WDR44: variants seen among roughly 807,000 people sequenced by gnomAD.
The protein encoded by WDR44 is WD repeat-containing protein 44.
A neutral mutation model predicts 65.7 loss-of-function variants in WDR44; 9 were observed. That is an observed-to-expected ratio of 0.14 (90% confidence interval 0.08 to 0.24). The LOEUF is 0.24. Ranked by LOEUF, WDR44 falls within the 10% of genes least tolerant of loss-of-function variation. The pLI, the probability that WDR44 is intolerant of heterozygous loss-of-function variation, is 1.00. For synonymous variants in WDR44, 220 were observed against 235.2 expected (o/e 0.94, Z 0.59); for missense variants, 425 against 670.9 (o/e 0.63, Z 4.05).
At chrX:118,352,352 A>ATATATATATTTTTTTTTTTTTTT (rs1357425730) in intron 1 of WDR44, among the ~76,000 whole-genome samples, 1 of 14,224 alleles carries the variant, frequency 7.0e-5, no homozygotes, top group Admixed American at 1.8e-3. Flanking sequence ...ATATATATAT[A>ATATATATATTTTTTTTTTTTTTT]TTTTTTTTTT....
intron 14 of WDR44, among the ~76,000 whole-genome samples, chrX:118,438,797 G>GT (rs1213083479): frequency 0.037 from 2,362 of 63,974 alleles, 177 homozygotes; most frequent in Non-Finnish European, 0.046. Context: ...GTTCAGCCAT[G>GT]TTTTTTTTTT....
At position 118,432,777 on chromosome X, in the gene WDR44, A is replaced by G. The variant is rs777990644; in HGVS notation, c.1738-4A>G. 5 of 1,196,246 alleles carry G rather than the reference A, an allele frequency of 4.2e-6. No individual in the cohort carries two copies. Among genetic ancestry groups the G allele is most frequent in the Non-Finnish European group, 4.5e-6 (4 of 883,533 alleles). On this transcript the variant is annotated splice_polypyrimidine_tract_variant and splice_region_variant and intron_variant, in intron 12 of 19. Transcript: ENST00000254029. The stretch of plus-strand genomic sequence containing the variant: ...TTTCAAAGTTTATCTTTATATCCAA[A>G]TAGGTATGCAGTGGAACTGATGAAG...
rs187514751 is a variant in WDR44, at chrX:118,445,757, C to T, written c.2647+1263C>T. On this transcript the variant is annotated intron_variant, in intron 19 of 19. Coordinates refer to ENST00000254029, the MANE Select transcript of WDR44 (RefSeq NM_019045.5). ...GTTATATAAAAATCTGGGCCAGGTG[C>T]GGTGGCTCACGCCTGTAATCCCAGC... is the stretch of plus-strand genomic sequence containing the variant. 2.0e-3 allele frequency among the ~76,000 whole-genome samples: 219 copies of T among 112,025 alleles called. 1 individual carries two copies. Among genetic ancestry groups the T allele is most frequent in the African/African-American group, 6.9e-3 (214 of 30,916 alleles).
At chrX:118,369,888 C>A (rs1489696088) in intron 1 of WDR44, among the ~76,000 whole-genome samples, 1 of 99,941 alleles carries the variant, frequency 1.0e-5, no homozygotes, top group East Asian at 3.2e-4. Context: ...GGAAGACACA[C>A]TAAATAATTT....
chrX:118,398,277 T>C (rs2056882712), intron 7 of WDR44, 110 bp from the exon 8 acceptor site: 1 of 494,660 alleles, frequency 2.0e-6, no homozygotes, highest in African/African-American at 2.4e-5. Context: ...GTAAAGCTTA[T>C]TAGCGTAGTT....
intron 12 of WDR44, among the ~76,000 whole-genome samples, chrX:118,411,182 A>C (rs968464373): frequency 1.8e-5 from 2 of 111,454 alleles, no homozygotes; most frequent in African/African-American, 3.3e-5. Context: ...TCAGGGTACT[A>C]TACCACTAAT....
intron 13 of WDR44, among the ~76,000 whole-genome samples, chrX:118,435,108 TATAAA>T (rs772483451): frequency 9.8e-5 from 11 of 112,157 alleles, no homozygotes; most frequent in Admixed American, 1.9e-4. Context: ...ATTAAATACT[TATAAA>T]AGAACAAGTC....
intron 1 of WDR44, among the ~76,000 whole-genome samples, chrX:118,368,835 C>T (rs1405252454): frequency 1.9e-5 from 2 of 103,901 alleles, no homozygotes; most frequent in Non-Finnish European, 3.9e-5. Context: ...TCCTGCCTCA[C>T]CCTCCTGAGT....
chrX:118,373,098 A>AAAC lies in WDR44; in HGVS notation c.78-5300_78-5298dup, dbSNP rs201959120. Among the ~76,000 whole-genome samples the AAAC allele has an allele frequency of 9.0e-3, 1,000 of 110,604 alleles. 3 individuals are homozygous for AAAC. The highest frequency in any genetic ancestry group is 0.015 in the Non-Finnish European group (788 of 52,851). On this transcript the variant is annotated intron_variant, in intron 1 of 19. Transcript: ENST00000254029. ...GAGCAAAACTCCGTCTCAAAAAATA[A>AAAC]AACAACAACAACAACAACAACAAAA...
chrX:118,387,311 G>T (rs369388506), intron 2 of WDR44, 29 bp from the exon 3 acceptor site: 1 of 1,048,640 alleles, frequency 9.5e-7, no homozygotes, highest in South Asian at 2.2e-5. Context: ...GTCATCATTT[G>T]GTCTCTATTT....
At chrX:118,387,054 C>T (rs993978407) in intron 2 of WDR44, among the ~76,000 whole-genome samples, 10 of 108,657 alleles carry the variant, frequency 9.2e-5, no homozygotes, top group East Asian at 2.9e-4. Context: ...TGGTGGCACG[C>T]GCCTATAATC....
chrX:118,400,653 C>T (rs1398569953), intron 8 of WDR44, among the ~76,000 whole-genome samples: 3 of 89,188 alleles, frequency 3.4e-5, no homozygotes, highest in Non-Finnish European at 6.0e-5. Context: ...ATAATCTCAG[C>T]CCCAGAAATC....
chrX:118,355,948 G>A (rs1274446240), intron 1 of WDR44, among the ~76,000 whole-genome samples: 1 of 111,852 alleles, frequency 8.9e-6, no homozygotes, highest in Non-Finnish European at 1.9e-5. Context: ...AATGTTAACA[G>A]TAAAACCTTG....
At chrX:118,355,148 A>G (rs920104018) in intron 1 of WDR44, among the ~76,000 whole-genome samples, 1 of 111,779 alleles carries the variant, frequency 8.9e-6, no homozygotes, top group Non-Finnish European at 1.9e-5. Flanking sequence ...TATATTACCT[A>G]TCCATGCCAA....
rs1000578495 is a variant in WDR44 at position 118,449,926 on chromosome X, G to A, written c.*939G>A. 4.5e-5 allele frequency: 5 copies of A among 112,099 alleles called. No homozygotes were observed. Among genetic ancestry groups the A allele is most frequent in the African/African-American group, 9.7e-5 (3 of 30,782 alleles). The allele number at this position is 112,099 out of a possible 1,213,427, so 9.2% of individuals were successfully genotyped here. A position where few individuals can be genotyped will look rare whatever the true frequency, so the allele number is the denominator to read the frequency against. ...GCATATGTTTCTGAAAATTAAATAT[G>A]TATTATTAAAAGTTGGTCTCCAACA... is the stretch of plus-strand genomic sequence containing the variant. On this transcript the variant is annotated 3_prime_UTR_variant, in exon 20 of 20. Transcript: ENST00000254029.
intron 3 of WDR44, among the ~76,000 whole-genome samples, chrX:118,391,743 G>T (rs2056822194): frequency 2.7e-5 from 3 of 112,383 alleles, no homozygotes; most frequent in African/African-American, 9.7e-5. Flanking sequence ...CAGCACTTTG[G>T]GAGGCTGAGG....
intron 8 of WDR44, among the ~76,000 whole-genome samples, chrX:118,400,873 T>C (rs1490179896): frequency 1.0e-5 from 1 of 97,119 alleles, no homozygotes; most frequent in Non-Finnish European, 2.0e-5. Flanking sequence ...CCTGAGTCCA[T>C]GTGATCTCAT....
intron 14 of WDR44, among the ~76,000 whole-genome samples, chrX:118,437,762 G>A (rs1225110429): frequency 1.8e-5 from 2 of 111,910 alleles, no homozygotes; most frequent in East Asian, 5.6e-4. Context: ...TAAGGGCCAG[G>A]CGCGGTGGCT....
chrX:118,406,939 A>G lies in WDR44; in HGVS notation c.1446A>G (p.Pro482=), dbSNP rs1569372555. Residue 482 remains proline, a synonymous_variant, in exon 10 of 20, where the codon CCA becomes CCG. Transcript: ENST00000254029. ...SDDEGMPYTR[P]VKFKAAHGFK... ...ATGAAGGAATGCCATACACAAGACC[A>G]GTTAAATTCAAAGCAGCACACGGTT... The G allele has an allele frequency of 8.3e-7, 1 of 1,211,011 alleles. No individual in the cohort carries two copies. Among genetic ancestry groups the G allele is most frequent in the Non-Finnish European group, 1.1e-6 (1 of 894,698 alleles).
Sources: allele counts gnomAD v4.1 joint callset (sites outside exome capture counted in the v4.1 genomes callset), GRCh38; gene constraint gnomAD v4.1.1; transcripts MANE v1.5; gene names NCBI Gene and HGNC (gene_info 2026-07-23, HGNC 2026-07-21).